Variants in VSNL1 observed in about 807,000 individuals in gnomAD.
VSNL1 encodes visinin-like protein 1.
In VSNL1, 6 loss-of-function variants were observed where a neutral mutation model predicts 20.4. The ratio of observed to expected loss-of-function variants is 0.29; its 90% CI spans 0.16 to 0.58. The LOEUF is 0.58. Ranked by LOEUF, VSNL1 falls within the 20% of genes least tolerant of loss-of-function variation. The pLI is 0.90. For missense variants in VSNL1, 100 were observed against 234.5 expected (o/e 0.43, Z 3.75); for synonymous variants, 93 against 86.4 (o/e 1.08, Z -0.42).
chr2:17,541,757 C>T (rs763445160), intron 1 of VSNL1: 5 of 152,142 alleles, frequency 3.3e-5, no homozygotes. Flanking sequence ...TTGTTCCTTG[C>T]CCAGAAACTG....
chr2:17,650,636 A>G (rs1358975308), intron 3 of VSNL1, among the ~76,000 whole-genome samples: 1 of 152,230 alleles, frequency 6.6e-6, no homozygotes, highest in Non-Finnish European at 1.5e-5. Context: ...CCATCCAGAC[A>G]CCAAGAGCTG....
At chr2:17,546,068 G>C (rs1663399003) in intron 1 of VSNL1, 1 of 151,770 alleles carries the variant, frequency 6.6e-6, no homozygotes, top group Admixed American at 6.6e-5. Context: ...ATTAAGACTT[G>C]GAGTACTCTC....
At chr2:17,553,217 G>T (rs1363525379) in intron 1 of VSNL1, among the ~76,000 whole-genome samples, 1 of 152,160 alleles carries the variant, frequency 6.6e-6, no homozygotes, top group Non-Finnish European at 1.5e-5. Context: ...TTCCTGGATG[G>T]ATATTTGACC....
intron 2 of VSNL1, among the ~76,000 whole-genome samples, chr2:17,615,467 T>C (rs752965385): frequency 6.6e-6 from 1 of 152,206 alleles, no homozygotes; most frequent in Non-Finnish European, 1.5e-5. Context: ...AACTAAATTC[T>C]AAAGAATAAC....
At chr2:17,584,190 A>G (rs1664415054) in intron 1 of VSNL1, among the ~76,000 whole-genome samples, 1 of 152,144 alleles carries the variant, frequency 6.6e-6, no homozygotes, top group Non-Finnish European at 1.5e-5. Flanking sequence ...CTACTACGCT[A>G]AGTCCAGATG....
chr2:17,573,864 C>T (rs1014352448), intron 1 of VSNL1, among the ~76,000 whole-genome samples: 1 of 152,180 alleles, frequency 6.6e-6, no homozygotes, highest in African/African-American at 2.4e-5. Context: ...CTTCCCTAGA[C>T]CTGTTTCTCA....
At chr2:17,578,006 AAAG>A (rs1364539215) in intron 1 of VSNL1, among the ~76,000 whole-genome samples, 3 of 152,214 alleles carry the variant, frequency 2.0e-5, no homozygotes, top group East Asian at 1.9e-4. Context: ...AAACGGTTGT[AAAG>A]AAGAAGTGAG....
chr2:17,621,802 G>T (rs1192156340), intron 2 of VSNL1, among the ~76,000 whole-genome samples: 1 of 151,996 alleles, frequency 6.6e-6, no homozygotes, highest in East Asian at 1.9e-4. Flanking sequence ...TAATTTTTTT[G>T]TTGTTGTTTC....
At position 17,649,850 on chromosome 2, in the gene VSNL1, G is replaced by A. The variant is rs576792901; in HGVS notation, c.378+225G>A. Among the ~76,000 whole-genome samples, 76 of 152,312 alleles carry A rather than the reference G, an allele frequency of 5.0e-4. No homozygotes were observed. Among genetic ancestry groups the A allele is most frequent in the Non-Finnish European group, 9.6e-4 (65 of 68,028 alleles). ...TGTCGTGACGGTGGCATTGTCATCTGCCATTCACTCACTACTGGATCTCCC... is the reference window on the plus strand; with the variant it reads ...TGTCGTGACGGTGGCATTGTCATCTACCATTCACTCACTACTGGATCTCCC... On this transcript the variant is annotated intron_variant, in intron 3 of 3. Transcript: ENST00000295156. The surrounding 1 kb of genome is among the most constrained non-coding windows in gnomAD (Gnocchi z 6.4).
intron 2 of VSNL1, 120 bp downstream of exon 2, chr2:17,592,356 T>C: frequency 1.8e-6 from 2 of 1,086,720 alleles, no homozygotes; most frequent in Non-Finnish European, 2.6e-6. Context: ...TCTGGCTGTT[T>C]TCCATCCAGA....
chr2:17,552,262 G>A (rs900945752), intron 1 of VSNL1, among the ~76,000 whole-genome samples: 3 of 151,558 alleles, frequency 2.0e-5, no homozygotes, highest in East Asian at 3.9e-4. Flanking sequence ...ACTTACACGC[G>A]TTACTTCATT....
intron 1 of VSNL1, among the ~76,000 whole-genome samples, chr2:17,587,704 G>A (rs1345059465): frequency 2.0e-5 from 3 of 152,140 alleles, no homozygotes; most frequent in Non-Finnish European, 4.4e-5. Flanking sequence ...TGGGGTGCGA[G>A]AGAACTGCAT....
chr2:17,577,228 T>C (rs1373429168), intron 1 of VSNL1, among the ~76,000 whole-genome samples: 1 of 152,248 alleles, frequency 6.6e-6, no homozygotes, highest in Admixed American at 6.5e-5. Context: ...CACATGACAT[T>C]ATATACACAT....
intron 1 of VSNL1, among the ~76,000 whole-genome samples, chr2:17,565,100 G>C (rs1031033796): frequency 6.6e-6 from 1 of 152,102 alleles, no homozygotes; most frequent in African/African-American, 2.4e-5. Flanking sequence ...CATGATTACT[G>C]TCTATGGTAA....
intron 2 of VSNL1, among the ~76,000 whole-genome samples, chr2:17,626,709 A>G (rs1665517036): frequency 6.6e-6 from 1 of 152,230 alleles, no homozygotes; most frequent in Non-Finnish European, 1.5e-5. Context: ...AACTGCCAGC[A>G]GCTCTCTGAA....
chr2:17,564,849 A>G (rs976148079), intron 1 of VSNL1, among the ~76,000 whole-genome samples: 4 of 152,248 alleles, frequency 2.6e-5, no homozygotes, highest in African/African-American at 9.6e-5. Flanking sequence ...TCGCAGATGC[A>G]ATTGTAGTAT....
chr2:17,628,629 C>T (rs564297543), intron 2 of VSNL1, among the ~76,000 whole-genome samples: 213 of 152,326 alleles, frequency 1.4e-3, no homozygotes, highest in South Asian at 6.4e-3. Context: ...TAGAATACCT[C>T]CCTCTAAATG....
intron 2 of VSNL1, among the ~76,000 whole-genome samples, chr2:17,621,985 C>G (rs1208198522): frequency 6.6e-6 from 1 of 152,074 alleles, no homozygotes; most frequent in African/African-American, 2.4e-5. Flanking sequence ...TTCTGGGCTG[C>G]TGGGAAGATC....
intron 2 of VSNL1, among the ~76,000 whole-genome samples, chr2:17,625,266 T>C (rs1401610267): frequency 6.6e-6 from 1 of 152,218 alleles, no homozygotes; most frequent in East Asian, 1.9e-4. Flanking sequence ...GTCTCGAGTA[T>C]GTCTTTATCA....
Sources: allele counts gnomAD v4.1 joint callset (sites outside exome capture counted in the v4.1 genomes callset), GRCh38; gene constraint gnomAD v4.1.1; non-coding constraint Gnocchi (gnomAD v3.1); transcripts MANE v1.5; gene names NCBI Gene and HGNC (gene_info 2026-07-23, HGNC 2026-07-21).